CAMK1D: variants seen among roughly 807,000 people sequenced by gnomAD.
CAMK1D encodes calcium/calmodulin dependent protein kinase ID.
In CAMK1D, 9 loss-of-function variants were observed where a neutral mutation model predicts 47.7. The observed-to-expected ratio is 0.19, with a 90% CI of 0.11 to 0.33. CAMK1D has a LOEUF of 0.33. Among genes scored for constraint, CAMK1D ranks in the 10% least tolerant of loss-of-function variants. The probability of loss-of-function intolerance (pLI) is 1.00; values close to 1 mark genes in which losing one functional copy is unlikely to be tolerated. For missense variants in CAMK1D, 291 were observed against 488.7 expected, an observed-to-expected ratio of 0.60 and a Z score of 3.81; for synonymous variants, 184 against 184.9, an observed-to-expected ratio of 0.99 and a Z score of 0.04.
chr10:12,524,004 G>C (rs1331567786), intron 1 of CAMK1D, among the ~76,000 whole-genome samples: 3 of 152,006 alleles, frequency 2.0e-5, no homozygotes, highest in Non-Finnish European at 4.4e-5. Context: ...CCATTCTCCT[G>C]CCTCAGCCTC....
intron 1 of CAMK1D, among the ~76,000 whole-genome samples, chr10:12,439,672 G>A (rs1177753431): frequency 2.6e-5 from 4 of 152,232 alleles, no homozygotes; most frequent in Non-Finnish European, 5.9e-5. Flanking sequence ...TTGTTCTGCT[G>A]TCTTTGATAT....
intron 1 of CAMK1D, among the ~76,000 whole-genome samples, chr10:12,430,125 C>T (rs1044576048): frequency 6.6e-6 from 1 of 152,148 alleles, no homozygotes; most frequent in Non-Finnish European, 1.5e-5. Flanking sequence ...GCTGTTCTCT[C>T]TTGGATGGAA....
intron 1 of CAMK1D, among the ~76,000 whole-genome samples, chr10:12,463,056 A>G (rs886211405): frequency 6.6e-6 from 1 of 152,130 alleles, no homozygotes; most frequent in Non-Finnish European, 1.5e-5. Flanking sequence ...GCTGGCACTC[A>G]TATCTAGAGT....
At chr10:12,672,840 A>G (rs1840668057) in intron 3 of CAMK1D, among the ~76,000 whole-genome samples, 3 of 146,020 alleles carry the variant, frequency 2.1e-5, no homozygotes, top group Non-Finnish European at 3.0e-5. Flanking sequence ...TCCTTAAAAT[A>G]GCTTTGGCTA....
At chr10:12,790,652 A>G (rs1837941660) in intron 5 of CAMK1D, among the ~76,000 whole-genome samples, 1 of 49,048 alleles carries the variant, frequency 2.0e-5, no homozygotes, top group African/African-American at 7.5e-5. Flanking sequence ...CATTTTTTTT[A>G]ATTTACATTC....
intron 1 of CAMK1D, among the ~76,000 whole-genome samples, chr10:12,426,827 G>T (rs993503235): frequency 6.6e-6 from 1 of 151,904 alleles, no homozygotes; most frequent in Non-Finnish European, 1.5e-5. Context: ...CAATTTTCTA[G>T]CCTCTGCCTC....
intron 1 of CAMK1D, among the ~76,000 whole-genome samples, chr10:12,539,544 A>G: frequency 6.6e-6 from 1 of 152,190 alleles, no homozygotes. Context: ...CATTGGGAGC[A>G]TGTTGGATGT....
At chr10:12,735,650 G>A (rs980293739) in intron 3 of CAMK1D, among the ~76,000 whole-genome samples, 2 of 152,102 alleles carry the variant, frequency 1.3e-5, no homozygotes, top group Admixed American at 6.5e-5. Flanking sequence ...GGTACCAACC[G>A]TCTCTCTGTA....
intron 6 of CAMK1D, among the ~76,000 whole-genome samples, chr10:12,810,939 C>T (rs1003926424): frequency 6.6e-6 from 1 of 152,218 alleles, no homozygotes; most frequent in East Asian, 1.9e-4. Flanking sequence ...CTCATTGCAG[C>T]TGAGCTGTGA....
intron 1 of CAMK1D, among the ~76,000 whole-genome samples, chr10:12,413,669 T>C (rs150590241): frequency 0.057 from 167 of 2,954 alleles, no homozygotes; most frequent in African/African-American, 0.23. Flanking sequence ...GCTAATTTGC[T>C]GGTGTTTGTG....
At chr10:12,754,174 A>G (rs1836125779) in intron 3 of CAMK1D, among the ~76,000 whole-genome samples, 1 of 152,096 alleles carries the variant, frequency 6.6e-6, no homozygotes, top group Non-Finnish European at 1.5e-5. Context: ...TACAGGTGTG[A>G]GCCACCACGC....
chr10:12,764,467 A>G (rs1263263981), intron 4 of CAMK1D, among the ~76,000 whole-genome samples: 1 of 150,132 alleles, frequency 6.7e-6, no homozygotes, highest in Non-Finnish European at 1.5e-5. Context: ...TCAAAACAGC[A>G]TTTTATTGAC....
chr10:12,615,062 A>G (rs1838740615), intron 2 of CAMK1D, among the ~76,000 whole-genome samples: 1 of 152,214 alleles, frequency 6.6e-6, no homozygotes. Context: ...TGGAGGACTG[A>G]TAATCCATTC....
At chr10:12,730,712 C>T (rs1422184911) in intron 3 of CAMK1D, among the ~76,000 whole-genome samples, 2 of 152,046 alleles carry the variant, frequency 1.3e-5, no homozygotes, top group African/African-American at 2.4e-5. Flanking sequence ...AAATCAATAG[C>T]GGTACCTTGG....
intron 2 of CAMK1D, among the ~76,000 whole-genome samples, chr10:12,574,745 G>A (rs956991162): frequency 1.3e-5 from 2 of 152,136 alleles, no homozygotes; most frequent in Non-Finnish European, 2.9e-5. Context: ...TCATGGTTCT[G>A]CAGGCTGTAC....
chr10:12,746,678 C>T (rs982961761), intron 3 of CAMK1D, among the ~76,000 whole-genome samples: 34 of 152,100 alleles, frequency 2.2e-4, no homozygotes, highest in African/African-American at 7.0e-4. Context: ...TAATCGTGAC[C>T]AGAGTTACTG....
intron 2 of CAMK1D, among the ~76,000 whole-genome samples, chr10:12,654,552 T>C (rs1055276611): frequency 1.3e-5 from 2 of 152,020 alleles, no homozygotes; most frequent in Admixed American, 1.3e-4. Flanking sequence ...TGCTAAGAAA[T>C]AGTAGAAGAA....
At chr10:12,657,455 TAAAA>T (rs1840151230) in intron 2 of CAMK1D, among the ~76,000 whole-genome samples, 1 of 151,710 alleles carries the variant, frequency 6.6e-6, no homozygotes, top group South Asian at 2.1e-4. Flanking sequence ...AATAAATAAA[TAAAA>T]ACACCTTTCT....
chr10:12,757,938 G>C (rs1365494284), intron 3 of CAMK1D, among the ~76,000 whole-genome samples: 1 of 138,490 alleles, frequency 7.2e-6, no homozygotes, highest in African/African-American at 2.8e-5. Context: ...CGCAATCTCT[G>C]CCTCCCCAGT....
Sources: gnomAD v4.1 joint callset for allele counts (sites outside exome capture counted in the v4.1 genomes callset) on GRCh38, gnomAD v4.1.1 for gene constraint, MANE v1.5 for transcripts, NCBI Gene and HGNC (gene_info 2026-07-23, HGNC 2026-07-21) for gene names.